The following ZFAND2A variants were observed in gnomAD, a reference collection of about 807,000 sequenced individuals.
The protein encoded by ZFAND2A is AN1-type zinc finger protein 2A.
ZFAND2A carries 20 observed loss-of-function variants against 11.6 expected under a neutral mutation model. That is an observed-to-expected ratio of 1.72 (90% CI 1.21 to 2.50). The LOEUF is 2.50. Among genes scored for constraint, ZFAND2A ranks in the 30% most tolerant of loss-of-function variants. The pLI, the probability that ZFAND2A is intolerant of heterozygous loss-of-function variation, is 0.00. For missense variants in ZFAND2A, 234 were observed against 182.9 expected (o/e 1.28, Z -1.61); for synonymous variants, 93 against 60.6 (o/e 1.54, Z -2.48).
chr7:1,155,067 G>C (rs1039679167), intron 4 of ZFAND2A, among the ~76,000 whole-genome samples: 1 of 152,208 alleles, frequency 6.6e-6, no homozygotes, highest in Non-Finnish European at 1.5e-5. Context: ...GCAATGAGCC[G>C]AGACGGCACC....
downstream of ZFAND2A, chr7:1,151,940 GAACA>G (rs1793406819): frequency 4.1e-6 from 1 of 244,184 alleles, no homozygotes; most frequent in Admixed American, 5.5e-5. Context: ...CCACCAAAAA[GAACA>G]AAGAACAGCT....
chr7:1,159,409 G>A (rs1793620705), intron 1 of ZFAND2A, among the ~76,000 whole-genome samples: 1 of 152,092 alleles, frequency 6.6e-6, no homozygotes, highest in South Asian at 2.1e-4. Context: ...GTGCGACCCG[G>A]TACTACGGCC....
At chr7:1,157,798 C>A (rs1193836965) in intron 2 of ZFAND2A, 48 bp from the exon 3 acceptor site, 1 of 1,389,106 alleles carries the variant, frequency 7.2e-7, no homozygotes, top group South Asian at 1.3e-5. Context: ...GAACAAAATA[C>A]TTCCAGATAG....
In ZFAND2A at chr7:1,159,059, C is replaced by T. The variant is rs529984352; in HGVS notation, c.-45-802G>A. ...GCAAACGTCTAGTTATCCCCTCCCGCCTCAGTTTAAAGCCATTCCCACCCT... is the reference window on the plus strand; with the variant it reads ...GCAAACGTCTAGTTATCCCCTCCCGTCTCAGTTTAAAGCCATTCCCACCCT... On this transcript the variant is annotated intron_variant, in intron 1 of 4. Transcript: ENST00000316495. 2.0e-5 allele frequency among the ~76,000 whole-genome samples: 3 copies of T among 152,254 alleles called. No individual in the cohort carries two copies. In the South Asian group the frequency reaches 6.2e-4, roughly 32 times the overall value.
downstream of ZFAND2A, among the ~76,000 whole-genome samples, chr7:1,151,168 G>A (rs776701691): frequency 6.6e-6 from 1 of 152,154 alleles, no homozygotes; most frequent in Non-Finnish European, 1.5e-5. Context: ...GATTACAAGC[G>A]TGAGCCACTG....
intron 4 of ZFAND2A, 87 bp downstream of exon 4, chr7:1,155,366 G>T: frequency 6.5e-7 from 1 of 1,547,856 alleles, no homozygotes; most frequent in Non-Finnish European, 8.8e-7. Flanking sequence ...TAAACTATTG[G>T]GAGTAATTTT....
chr7:1,150,948 C>T (rs981718007), downstream of ZFAND2A, among the ~76,000 whole-genome samples: 10 of 146,594 alleles, frequency 6.8e-5, no homozygotes, highest in African/African-American at 2.6e-4. Flanking sequence ...AGTGCAGTGG[C>T]ACAATCTGGG....
At chr7:1,154,699 A>G (rs918758260) in intron 4 of ZFAND2A, among the ~76,000 whole-genome samples, 1 of 152,234 alleles carries the variant, frequency 6.6e-6, no homozygotes, top group Admixed American at 6.5e-5. Flanking sequence ...GTTTGAGACC[A>G]AAAGTTATTT....
At chr7:1,151,934 C>CA (rs981367522), downstream of ZFAND2A, 1 of 230,192 alleles carries the variant, frequency 4.3e-6, no homozygotes, top group South Asian at 1.5e-4. Flanking sequence ...CACTTTCCAC[C>CA]AAAAAGAACA....
chr7:1,151,769 A>AAAAAAAAAAAAAAAAAT (rs1333586275), downstream of ZFAND2A, among the ~76,000 whole-genome samples: 2 of 150,006 alleles, frequency 1.3e-5, no homozygotes, highest in Non-Finnish European at 3.0e-5. Context: ...TTTTAAAAAA[A>AAAAAAAAAAAAAAAAAT]AAAAAGCAAA....
intron 4 of ZFAND2A, among the ~76,000 whole-genome samples, chr7:1,154,243 C>T (rs1042659233): frequency 6.8e-6 from 1 of 146,884 alleles, no homozygotes; most frequent in African/African-American, 2.5e-5. Context: ...TCCTAGGAGT[C>T]AGAACTCCAA....
chr7:1,150,835 T>A (rs541500247), downstream of ZFAND2A, among the ~76,000 whole-genome samples: 226 of 151,904 alleles, frequency 1.5e-3, 3 homozygotes, highest in African/African-American at 5.2e-3. Flanking sequence ...GGTGCTGAAA[T>A]AGATCCAGGT....
At chr7:1,152,137 C>T (rs1213916329), downstream of ZFAND2A, 2 of 1,350,290 alleles carry the variant, frequency 1.5e-6, no homozygotes, top group South Asian at 1.8e-5. Context: ...GACGAAGTCG[C>T]ACCACTGGAG....
chr7:1,150,600 ATC>A (rs1220875102), downstream of ZFAND2A, among the ~76,000 whole-genome samples: 1 of 152,190 alleles, frequency 6.6e-6, no homozygotes, highest in Non-Finnish European at 1.5e-5. Context: ...CGAAGGCCGC[ATC>A]TGTCATCTGA....
chr7:1,158,322 T>A (rs569888486), intron 1 of ZFAND2A, 65 bp from the exon 2 acceptor site: 39 of 979,856 alleles, frequency 4.0e-5, no homozygotes, highest in Non-Finnish European at 6.1e-5. Flanking sequence ...GGATTTACAA[T>A]GTAATTACAG....
intron 3 of ZFAND2A, 58 bp from the exon 4 acceptor site, chr7:1,155,642 G>A (rs999469643): frequency 1.3e-6 from 2 of 1,589,088 alleles, no homozygotes; most frequent in Non-Finnish European, 1.7e-6. Context: ...ACTCACAGAA[G>A]TTTTAAACGA....
downstream of ZFAND2A, chr7:1,152,354 G>C (rs1044490712): frequency 3.9e-6 from 6 of 1,553,252 alleles, no homozygotes; most frequent in African/African-American, 6.8e-5. Flanking sequence ...CCTACAGAGA[G>C]GGTGGATGGA....
chr7:1,152,593 G>A (rs1793420061), downstream of ZFAND2A, among the ~76,000 whole-genome samples: 1 of 152,206 alleles, frequency 6.6e-6, no homozygotes, highest in Non-Finnish European at 1.5e-5. Flanking sequence ...ACCTTCTGTG[G>A]ACACAGGGTC....
intron 4 of ZFAND2A, among the ~76,000 whole-genome samples, chr7:1,154,455 C>T (rs550345665): frequency 1.4e-3 from 206 of 152,284 alleles, no homozygotes; most frequent in African/African-American, 4.7e-3. Flanking sequence ...TGTGTGGGGG[C>T]CTTGGGGCAG....
Sources: allele counts gnomAD v4.1 joint callset (sites outside exome capture counted in the v4.1 genomes callset), GRCh38; gene constraint gnomAD v4.1.1; transcripts MANE v1.5; gene names NCBI Gene and HGNC (gene_info 2026-07-23, HGNC 2026-07-21).